Variants in PCDHGA3 observed in about 807,000 individuals in gnomAD.
PCDHGA3 encodes protocadherin gamma subfamily A, 3, also known as protocadherin gamma-A3.
In PCDHGA3, 40 loss-of-function variants were observed where a neutral mutation model predicts 58.5. The observed-to-expected ratio is 0.68, with a 90% CI of 0.53 to 0.89. PCDHGA3 has a LOEUF of 0.89. Among genes scored for constraint, PCDHGA3 ranks in the 40% least tolerant of loss-of-function variants. PCDHGA3 has a pLI of 0.00. For synonymous variants in PCDHGA3, 530 were observed against 525.7 expected, an observed-to-expected ratio of 1.01 and a Z score of -0.11; for missense variants, 1,223 against 1,195.9, an observed-to-expected ratio of 1.02 and a Z score of -0.33.
chr5:141,382,218 T>C (rs188591705), intron 1 of PCDHGA3, among the ~76,000 whole-genome samples: 1 of 152,328 alleles, frequency 6.6e-6, no homozygotes, highest in East Asian at 1.9e-4. Flanking sequence ...TAGGTCTATA[T>C]ATTTTACAAC....
intron 1 of PCDHGA3, chr5:141,478,920 CCAGTGG>C: frequency 2.7e-6 from 2 of 728,392 alleles, no homozygotes; most frequent in South Asian, 4.5e-5. Flanking sequence ...ATACCTCTAA[CCAGTGG>C]CAGCTTCTAG....
intron 1 of PCDHGA3, chr5:141,399,082 G>A: frequency 6.2e-7 from 1 of 1,613,822 alleles, no homozygotes; most frequent in East Asian, 2.2e-5. Flanking sequence ...AGAAGGGAGG[G>A]ATGGTGGTGG....
At chr5:141,393,968 C>T (rs2092886432) in intron 1 of PCDHGA3, 1 of 1,613,770 alleles carries the variant, frequency 6.2e-7, no homozygotes, top group Non-Finnish European at 8.5e-7. Context: ...TTGTCTGTTA[C>T]ACACGTGATA....
chr5:141,507,012 G>A (rs2099857902), intron 3 of PCDHGA3: 1 of 152,208 alleles, frequency 6.6e-6, no homozygotes, highest in Admixed American at 6.5e-5. Flanking sequence ...AGAGAACCGA[G>A]AAGGCACTTG....
intron 2 of PCDHGA3, among the ~76,000 whole-genome samples, chr5:141,496,419 C>T (rs1292183963): frequency 6.6e-6 from 1 of 152,174 alleles, no homozygotes; most frequent in Non-Finnish European, 1.5e-5. Flanking sequence ...TACTTGCTGT[C>T]CACATTTGCC....
chr5:141,391,780 T>C (rs1004185174), intron 1 of PCDHGA3: 1 of 152,220 alleles, frequency 6.6e-6, no homozygotes, highest in Non-Finnish European at 1.5e-5. Context: ...TAGTCATTAC[T>C]TTTTGCAGTT....
At chr5:141,356,550 C>T (rs954388230) in intron 1 of PCDHGA3, 1 of 1,614,172 alleles carries the variant, frequency 6.2e-7, no homozygotes, top group Non-Finnish European at 8.5e-7. Flanking sequence ...ACAACCCACC[C>T]ACTTTCCCTC....
chr5:141,392,690 G>T, intron 1 of PCDHGA3: 1 of 1,127,490 alleles, frequency 8.9e-7, no homozygotes, highest in Non-Finnish European at 1.2e-6. Flanking sequence ...AGCGAAACCC[G>T]ACCCCTGTTT....
chr5:141,344,593 A>AG lies in PCDHGA3; in HGVS notation c.565dup (p.Ala189GlyfsTer15). ...TCTCTGGCTGTGAATAGCGTCTCTG[A>AG]GGGGGCCAAGTATCCAGAGCTGGTG... On this transcript the variant is annotated frameshift_variant, in exon 1 of 4. Transcript: ENST00000253812. LOFTEE classifies it high-confidence loss of function. 1.2e-6 allele frequency: 2 copies of AG among 1,613,956 alleles called. No homozygotes were observed. Among genetic ancestry groups the AG allele is most frequent in the South Asian group, 2.2e-5 (2 of 91,078 alleles).
rs2099699514 is a variant in PCDHGA3 at position 141,490,385 on chromosome 5, A to G, written c.2425-4422A>G. 1 of 1,614,190 alleles carries G rather than the reference A, an allele frequency of 6.2e-7. No individual in the cohort carries two copies. Among genetic ancestry groups the G allele is most frequent in the African/African-American group, 1.3e-5 (1 of 75,032 alleles). ...GTGCGAGACCGGGACTCAGGTAGAA[A>G]TGGTGAAGTGAGCCTTGATATCTCT... On this transcript the variant is annotated intron_variant, in intron 1 of 3. Coordinates refer to ENST00000253812, the MANE Select transcript of PCDHGA3 (RefSeq NM_018916.4). This position sits in a 1 kb window ranked among gnomAD's most constrained non-coding sequence, Gnocchi z 5.4.
chr5:141,376,302 T>G, intron 1 of PCDHGA3: 2 of 1,614,166 alleles, frequency 1.2e-6, no homozygotes, highest in Non-Finnish European at 1.7e-6. Context: ...GGCTCGCACT[T>G]TGTGGGCGTG....
chr5:141,395,136 T>A, intron 1 of PCDHGA3: 1 of 1,614,202 alleles, frequency 6.2e-7, no homozygotes, highest in Non-Finnish European at 8.5e-7. Context: ...CCAGCCCAAC[T>A]ACGCAGACAT....
chr5:141,506,180 G>T (rs548366782), intron 3 of PCDHGA3, among the ~76,000 whole-genome samples: 44 of 152,294 alleles, frequency 2.9e-4, no homozygotes, highest in Non-Finnish European at 5.7e-4. Context: ...GCTGGGCGTG[G>T]TGGCTCACGC....
At position 141,487,179 on chromosome 5, in the gene PCDHGA3, C is replaced by T. The variant is rs768886732; in HGVS notation, c.2425-7628C>T. Reference sequence around the variant, plus strand: ...CTCTTAGTGTCCTTAGAGGAAGACACTCATCCAGTTGTCCCAGATCTTCGA... The same window carrying T: ...CTCTTAGTGTCCTTAGAGGAAGACATTCATCCAGTTGTCCCAGATCTTCGA... On this transcript the variant is annotated intron_variant, in intron 1 of 3. Transcript: ENST00000253812. This position sits in a 1 kb window ranked among gnomAD's most constrained non-coding sequence, Gnocchi z 5.0. 6.2e-6 allele frequency: 10 copies of T among 1,613,474 alleles called. No individual in the cohort carries two copies. Among genetic ancestry groups the T allele is most frequent in the Non-Finnish European group, 6.8e-6 (8 of 1,179,370 alleles).
chr5:141,403,879 T>C (rs981085034), intron 1 of PCDHGA3: 19 of 1,613,692 alleles, frequency 1.2e-5, no homozygotes, highest in Non-Finnish European at 1.6e-5. Context: ...GTCTAGATTA[T>C]GAAGAATGTT....
intron 1 of PCDHGA3, chr5:141,370,661 T>C (rs2149968382): frequency 6.2e-7 from 1 of 1,613,892 alleles, no homozygotes; most frequent in African/African-American, 1.3e-5. Flanking sequence ...TGAGCGACCG[T>C]ATAGACCGAG....
chr5:141,395,515 C>T (rs527577408), intron 1 of PCDHGA3: 5 of 407,340 alleles, frequency 1.2e-5, no homozygotes, highest in South Asian at 7.2e-5. Context: ...AGTAGCTACC[C>T]GTCCATACTG....
intron 1 of PCDHGA3, chr5:141,399,654 G>A (rs2093857278): frequency 1.2e-6 from 2 of 1,613,586 alleles, no homozygotes. Flanking sequence ...AAAGTGGGGT[G>A]GTGTTCGCGC....
At chr5:141,456,217 A>G (rs1328039447) in intron 1 of PCDHGA3, among the ~76,000 whole-genome samples, 1 of 152,064 alleles carries the variant, frequency 6.6e-6, no homozygotes, top group East Asian at 1.9e-4. Context: ...CCCTGTGGCG[A>G]TATCAAACTA....
Sources: gnomAD v4.1 joint callset for allele counts (sites outside exome capture counted in the v4.1 genomes callset) on GRCh38, gnomAD v4.1.1 for gene constraint, Gnocchi (gnomAD v3.1) non-coding constraint, MANE v1.5 for transcripts, NCBI Gene and HGNC (gene_info 2026-07-23, HGNC 2026-07-21) for gene names.